LONRF3: variants seen among roughly 807,000 people sequenced by gnomAD.
LONRF3 encodes the protein LON peptidase N-terminal domain and RING finger protein 3.
In LONRF3, 19 loss-of-function variants were observed where a neutral mutation model predicts 51.7. The ratio of observed to expected loss-of-function variants is 0.37; its 90% CI spans 0.26 to 0.54. The LOEUF is 0.54. Ranked by LOEUF, LONRF3 falls within the 20% of genes least tolerant of loss-of-function variation. The pLI is 0.86. For synonymous variants in LONRF3, 265 were observed against 257.8 expected, an observed-to-expected ratio of 1.03 and a Z score of -0.27; for missense variants, 521 against 623.9, an observed-to-expected ratio of 0.84 and a Z score of 1.76.
intron 4 of LONRF3, 141 bp from the exon 5 acceptor site, chrX:118,990,329 C>T: frequency 4.1e-6 from 2 of 491,917 alleles, no homozygotes; most frequent in Non-Finnish European, 7.2e-6. Context: ...CTCAACGGCT[C>T]AGGTGTCCAC....
At chrX:119,007,062 A>C (rs990495129) in intron 6 of LONRF3, among the ~76,000 whole-genome samples, 2 of 112,519 alleles carry the variant, frequency 1.8e-5, no homozygotes, top group African/African-American at 6.5e-5. Context: ...CCCTCTCCAT[A>C]AAGTCCTTCA....
intron 3 of LONRF3, 86 bp from the exon 4 acceptor site, chrX:118,989,322 G>GT (rs1334011786): frequency 4.6e-6 from 5 of 1,079,284 alleles, no homozygotes; most frequent in Non-Finnish European, 6.3e-6. Flanking sequence ...GGACTCTATA[G>GT]TTTCCCTTTG....
intron 7 of LONRF3, among the ~76,000 whole-genome samples, chrX:119,011,112 T>TA (rs753631329): frequency 0.018 from 1,561 of 86,413 alleles, 23 homozygotes; most frequent in African/African-American, 0.05. Flanking sequence ...AGACTCCGCT[T>TA]AAAAAAAAAA....
At position 119,003,993 on chromosome X, in the gene LONRF3, TTATC is replaced by T. The variant is rs1406487793; in HGVS notation, c.1416-2125_1416-2122del. ...ATTGTGTGTGCACGTGTGTGTGTAT[TTATC>T]TAGTAACTTTGTTAATTCCATTCTT... On this transcript the variant is annotated intron_variant, in intron 5 of 10. Transcript: ENST00000371628. Among the ~76,000 whole-genome samples the T allele has an allele frequency of 3.6e-5, 4 of 111,694 alleles. No homozygotes were observed. The East Asian group carries it at 1.1e-3, about 31-fold the overall frequency.
intron 8 of LONRF3, 49 bp from the exon 9 acceptor site, chrX:119,012,990 A>G: frequency 1.7e-6 from 2 of 1,204,864 alleles, no homozygotes; most frequent in Non-Finnish European, 1.1e-6. Context: ...GCCCAGGGAA[A>G]CAGAACTCAT....
intron 5 of LONRF3, among the ~76,000 whole-genome samples, chrX:119,004,310 GTC>G (rs1569295764): frequency 8.9e-6 from 1 of 112,151 alleles, no homozygotes; most frequent in African/African-American, 3.2e-5. Flanking sequence ...TACATGAAAA[GTC>G]TCTCTCCTCC....
intron 5 of LONRF3, among the ~76,000 whole-genome samples, chrX:118,998,779 G>A (rs985446083): frequency 1.5e-4 from 17 of 111,614 alleles, no homozygotes; most frequent in Non-Finnish European, 3.2e-4. Context: ...TCATCTCACT[G>A]CATCCTCTGC....
intron 5 of LONRF3, among the ~76,000 whole-genome samples, chrX:118,993,250 G>A (rs1267742963): frequency 1.8e-5 from 2 of 111,886 alleles, no homozygotes; most frequent in Non-Finnish European, 3.8e-5. Flanking sequence ...GAAAGGCAAA[G>A]CCCAATGCAA....
Position 119,014,239 on chromosome X carries a change from A to G in LONRF3, c.2007A>G (p.Gly669=), listed in dbSNP as rs1259158386. The stretch of plus-strand genomic sequence containing the variant: ...GAGAGGATTGTGCTGAGCTCATGGG[A>G]TTACATAACTGTGTCTATCAGCAAG... The part of the protein sequence containing the change: ...VQGEDCAELM[G]LHNCVYQQAS... The change falls in exon 10 of 11, where the codon GGA becomes GGG. Residue 669 remains glycine, a synonymous_variant. Coordinates refer to ENST00000371628, the MANE Select transcript of LONRF3 (RefSeq NM_001031855.3). The G allele has an allele frequency of 8.3e-7, 1 of 1,209,558 alleles. No individual in the cohort carries two copies. Among genetic ancestry groups the G allele is most frequent in the South Asian group, 1.8e-5 (1 of 56,605 alleles).
chrX:118,986,051 AACACACACAC>A (rs35356301), intron 3 of LONRF3, among the ~76,000 whole-genome samples: 30,714 of 83,461 alleles, frequency 0.37, 4,621 homozygotes, highest in Middle Eastern at 0.44. Flanking sequence ...AGTATATGGA[AACACACACAC>A]ACACACACAC....
rs1396431546 is a variant in LONRF3, at chrX:119,017,676, C to T, written c.2266C>T (p.Arg756Ter). Residue 756 changes from arginine to a stop codon, truncating the protein, a stop_gained, in exon 11 of 11, where the codon CGA (arginine) becomes TGA (stop). Coordinates refer to ENST00000371628, the MANE Select transcript of LONRF3 (RefSeq NM_001031855.3). LOFTEE classifies it high-confidence loss of function. Reference protein sequence around the residue: ...GIRRVLAFISRNQN With the variant: ...GIRRVLAFIS ...TCGACGAGTCCTGGCCTTCATATCCCGAAACCAAAACTAGTGAGTGGATTG... is the reference window on the plus strand; with the variant it reads ...TCGACGAGTCCTGGCCTTCATATCCTGAAACCAAAACTAGTGAGTGGATTG... 5.0e-6 allele frequency: 6 copies of T among 1,192,912 alleles called. No homozygotes were observed. Among genetic ancestry groups the T allele is most frequent in the Admixed American group, 4.5e-5 (2 of 44,096 alleles).
intron 5 of LONRF3, among the ~76,000 whole-genome samples, chrX:118,992,644 G>A (rs887994524): frequency 4.5e-5 from 5 of 111,149 alleles, no homozygotes; most frequent in African/African-American, 1.3e-4. Context: ...CCTGCCCACC[G>A]CTGGTCCCTC....
intron 10 of LONRF3, among the ~76,000 whole-genome samples, chrX:119,014,967 TAGAC>T (rs1925344452): frequency 1.8e-5 from 2 of 112,089 alleles, no homozygotes; most frequent in African/African-American, 6.5e-5. Flanking sequence ...TGAGTTATAC[TAGAC>T]AGTAGTTTGT....
Position 118,974,763 on chromosome X carries a change from TC to T in LONRF3, c.-15del. On this transcript the variant is annotated 5_prime_UTR_variant, in exon 1 of 11. Transcript: ENST00000371628. ...CCCGGTCCCTAGACGCCTCGTCTCC[TC>T]CCGTGTCCCTCTTCCCATGGAGTCA... is the stretch of plus-strand genomic sequence containing the variant. The T allele has an allele frequency of 1.7e-6, 2 of 1,165,339 alleles. No homozygotes were observed. Among genetic ancestry groups the T allele is most frequent in the Non-Finnish European group, 2.3e-6 (2 of 868,895 alleles).
chrX:118,975,106 G>T lies in LONRF3; in HGVS notation c.326G>T (p.Arg109Leu), dbSNP rs1352232713. The change falls in exon 1 of 11, where the codon CGC (arginine) becomes CTC (leucine). Residue 109 changes from arginine (R) to leucine (L), a missense_variant. Arg to Leu is a moderately radical substitution (Grantham distance 102, BLOSUM62 -2). Transcript: ENST00000371628. ...GCTGAGCAGCTGGAGCAGCTGGTGC[G>T]CTGCCTGGCGGAGAAAGTCCCGCAA... ...LVAEQLEQLV[R>L]CLAEKVPQGE... 3.4e-6 allele frequency: 4 copies of T among 1,169,723 alleles called. No homozygotes were observed. The highest frequency in any genetic ancestry group is 3.8e-5 in the South Asian group (2 of 52,884).
At chrX:118,984,307 A>G (rs1056089492) in intron 3 of LONRF3, among the ~76,000 whole-genome samples, 5 of 112,376 alleles carry the variant, frequency 4.4e-5, no homozygotes, top group African/African-American at 1.6e-4. Context: ...CCATGAGGAC[A>G]TGGCCACAGC....
chrX:118,975,846 T>A (rs1349911089), intron 1 of LONRF3, among the ~76,000 whole-genome samples: 1 of 110,058 alleles, frequency 9.1e-6, no homozygotes, highest in African/African-American at 3.3e-5. Context: ...TTCCTGCTAC[T>A]TCTGTTAGCT....
Position 118,982,900 on chromosome X carries a change from C to G in LONRF3, c.1016C>G (p.Ser339Cys), listed in dbSNP as rs758322015. The stretch of plus-strand genomic sequence containing the variant: ...CTAAGGGAGTTTCTCTACTGTGTAT[C>G]CCTTGATGGAAAGAACAAGAGAGCA... ...EALREFLYCV[S>C]LDGKNKRARC... The change falls in exon 3 of 11, where the codon TCC becomes TGC. Residue 339 changes from serine (S) to cysteine (C), a missense_variant. Physicochemically the swap from Ser to Cys is moderately radical, Grantham distance 112. Transcript: ENST00000371628. The G allele has an allele frequency of 8.3e-7, 1 of 1,210,722 alleles. No individual in the cohort carries two copies. The highest frequency in any genetic ancestry group is 1.8e-5 in the South Asian group (1 of 56,908).
intron 5 of LONRF3, among the ~76,000 whole-genome samples, chrX:118,996,978 T>C (rs966596302): frequency 1.8e-5 from 2 of 108,159 alleles, no homozygotes; most frequent in African/African-American, 6.7e-5. Context: ...TGAAAGAAAT[T>C]GGAGACAACA....
Sources: gnomAD v4.1 joint callset for allele counts (sites outside exome capture counted in the v4.1 genomes callset) on GRCh38, gnomAD v4.1.1 for gene constraint, MANE v1.5 for transcripts, NCBI Gene and HGNC (gene_info 2026-07-23, HGNC 2026-07-21) for gene names.